Variants in MARCO observed in about 807,000 individuals in gnomAD.
The protein encoded by MARCO is macrophage receptor MARCO.
A neutral mutation model predicts 70.0 loss-of-function variants in MARCO; 72 were observed. The observed-to-expected ratio is 1.03, with a 90% confidence interval of 0.85 to 1.25. MARCO has a LOEUF of 1.25. Among genes scored for constraint, MARCO ranks in the 50% most tolerant of loss-of-function variants. The probability of loss-of-function intolerance (pLI) is 0.00; values close to 1 mark genes in which losing one functional copy is unlikely to be tolerated. For synonymous variants in MARCO, 273 were observed against 243.1 expected (o/e 1.12, Z -1.14); for missense variants, 696 against 659.3 (o/e 1.06, Z -0.61).
Position 118,942,394 on chromosome 2 carries a change from A to T in MARCO, c.94A>T (p.Asn32Tyr). ...AATTGCAATGGAGCCTTTCGAAATCAATGGTAAAGTACGATTCCCCAATAA... is the reference window on the plus strand; with the variant it reads ...AATTGCAATGGAGCCTTTCGAAATCTATGGTAAAGTACGATTCCCCAATAA... ...HQIAMEPFEI[N>Y]VPKPKRRNGV... The change falls in exon 1 of 17, where the codon AAT becomes TAT. Residue 32 changes from asparagine to tyrosine, a missense_variant. Physicochemically the swap from Asn to Tyr is moderately radical, Grantham distance 143 (BLOSUM62 -2). Transcript: ENST00000327097. The T allele has an allele frequency of 6.2e-7, 1 of 1,610,054 alleles. No homozygotes were observed.
At chr2:118,971,268 A>G (rs1260379722) in intron 3 of MARCO, among the ~76,000 whole-genome samples, 3 of 151,656 alleles carry the variant, frequency 2.0e-5, no homozygotes, top group Non-Finnish European at 4.4e-5. Flanking sequence ...AGGGATCTAC[A>G]GGTCTCGGGG....
chr2:118,973,892 T>A (rs17795618), intron 4 of MARCO, among the ~76,000 whole-genome samples: 19,477 of 152,232 alleles, frequency 0.13, 1,385 homozygotes, highest in South Asian at 0.27. Flanking sequence ...AGAAGTCGCA[T>A]AGGCACTGGG....
chr2:118,947,217 C>T (rs1679617333), intron 1 of MARCO, among the ~76,000 whole-genome samples: 2 of 152,284 alleles, frequency 1.3e-5, no homozygotes, highest in Admixed American at 1.3e-4. Context: ...CTTTCGGTGT[C>T]AAGTCTAAGA....
rs554611818 is a variant in MARCO, at chr2:118,982,171, A to C, written c.917A>C (p.Gln306Pro). The C allele has an allele frequency of 3.4e-5, 54 of 1,611,726 alleles. No homozygotes were observed. In the Middle Eastern group the frequency reaches 8.5e-4, roughly 26 times the overall value. Residue 306 changes from glutamine (Q) to proline (P), a missense_variant, in exon 11 of 17, where the codon CAG (glutamine) becomes CCG (proline). Gln to Pro is a moderately conservative substitution (Grantham distance 76). Around this residue, in one of 3 missense-constraint regions of MARCO, gnomAD observed 605 missense variants for 537.6 expected, o/e 1.13. Coordinates refer to ENST00000327097, the MANE Select transcript of MARCO (RefSeq NM_006770.4). ...AKGDQGQPGL[Q>P]GVPGPPGAVG... ...TTCCTTTCAGGACAACCTGGACTGC[A>C]GGGTGTTCCGGGCCCTCCTGGTGCA...
intron 1 of MARCO, among the ~76,000 whole-genome samples, chr2:118,956,737 A>T (rs1056869642): frequency 1.3e-5 from 2 of 152,184 alleles, no homozygotes; most frequent in Non-Finnish European, 2.9e-5. Context: ...AGACCATATG[A>T]TAGGCCATAA....
intron 10 of MARCO, 103 bp from the exon 11 acceptor site, chr2:118,982,053 T>C (rs1474059181): frequency 4.1e-6 from 3 of 739,606 alleles, no homozygotes; most frequent in Non-Finnish European, 6.8e-6. Context: ...TGTAAGGTGT[T>C]AAGAGGTACA....
rs191682066 is a variant in MARCO, at chr2:118,943,084, G to T, written c.97+687G>T. Among the ~76,000 whole-genome samples the T allele has an allele frequency of 8.3e-4, 127 of 152,286 alleles. 1 individual carries two copies. Among genetic ancestry groups the T allele is most frequent in the Admixed American group, 1.2e-3 (19 of 15,300 alleles). ...GAGCTCTGATTTCCTAGTCTAGAACGTTCTCTTGGGATCATCTTCCAAGTT... is the reference window on the plus strand; with the variant it reads ...GAGCTCTGATTTCCTAGTCTAGAACTTTCTCTTGGGATCATCTTCCAAGTT... On this transcript the variant is annotated intron_variant, in intron 1 of 16. Coordinates refer to ENST00000327097, the MANE Select transcript of MARCO (RefSeq NM_006770.4).
intron 1 of MARCO, among the ~76,000 whole-genome samples, chr2:118,951,057 T>G (rs1679713247): frequency 6.6e-6 from 1 of 152,246 alleles, no homozygotes; most frequent in South Asian, 2.1e-4. Context: ...TCTGTAAGTA[T>G]TTTAAGGCTT....
At chr2:118,951,877 A>ATC (rs760021037) in intron 1 of MARCO, among the ~76,000 whole-genome samples, 11 of 139,778 alleles carry the variant, frequency 7.9e-5, no homozygotes, top group African/African-American at 1.3e-4. Context: ...CTGATTCTCC[A>ATC]TCTCTCTCTC....
intron 1 of MARCO, among the ~76,000 whole-genome samples, chr2:118,947,411 T>C (rs1456295286): frequency 1.3e-5 from 2 of 152,180 alleles, no homozygotes; most frequent in Non-Finnish European, 2.9e-5. Flanking sequence ...CATGGGCTCA[T>C]GTGATCTTCC....
chr2:118,993,724 T>C (rs1465358312), intron 16 of MARCO, among the ~76,000 whole-genome samples: 1 of 152,210 alleles, frequency 6.6e-6, no homozygotes, highest in African/African-American at 2.4e-5. Flanking sequence ...GCAAGCAGTC[T>C]TGGCTGTGAT....
chr2:118,986,652 AGAAGGAAGGAAGGAAGGAAG>A (rs199975278), intron 12 of MARCO, among the ~76,000 whole-genome samples: 10,192 of 47,680 alleles, frequency 0.21, 1,426 homozygotes, highest in South Asian at 0.45. Context: ...AAAGAAAGAA[AGAAGGAAGGAAGGAAGGAAG>A]GAAAGAAAGA....
chr2:118,991,912 C>A, intron 14 of MARCO, 37 bp downstream of exon 14: 3 of 1,400,822 alleles, frequency 2.1e-6, no homozygotes, highest in Non-Finnish European at 3.0e-6. Context: ...GTTCTTAGGA[C>A]TGTGCTTTAC....
chr2:118,994,529 C>T lies in MARCO; in HGVS notation c.*9C>T. 1.3e-6 allele frequency: 2 copies of T among 1,570,218 alleles called. No homozygotes were observed. The highest frequency in any genetic ancestry group is 1.7e-6 in the Non-Finnish European group (2 of 1,158,666). On this transcript the variant is annotated 3_prime_UTR_variant, in exon 17 of 17. Coordinates refer to ENST00000327097, the MANE Select transcript of MARCO (RefSeq NM_006770.4). ...TGGAGTGCAGCGTCTGACCCGGAAACCCTTTCACTTCTCTGCTCCCGAGGT... is the reference window on the plus strand; with the variant it reads ...TGGAGTGCAGCGTCTGACCCGGAAATCCTTTCACTTCTCTGCTCCCGAGGT...
chr2:118,947,755 A>G (rs922448872), intron 1 of MARCO, among the ~76,000 whole-genome samples: 8 of 152,200 alleles, frequency 5.3e-5, no homozygotes, highest in Admixed American at 5.2e-4. Flanking sequence ...TGTAAGCGTT[A>G]TTATCAAATA....
chr2:118,979,978 T>G (rs1020618285), intron 8 of MARCO, among the ~76,000 whole-genome samples: 7 of 152,242 alleles, frequency 4.6e-5, no homozygotes, highest in African/African-American at 1.7e-4. Flanking sequence ...TGTGCTTCCT[T>G]GGCTAGAGCC....
chr2:118,973,760 C>T (rs1368975186), intron 4 of MARCO, among the ~76,000 whole-genome samples: 1 of 152,200 alleles, frequency 6.6e-6, no homozygotes, highest in Non-Finnish European at 1.5e-5. Context: ...GGAACTGCTC[C>T]TCAGCCAAGC....
intron 6 of MARCO, among the ~76,000 whole-genome samples, 167 bp downstream of exon 6, chr2:118,974,732 C>G (rs1401721830): frequency 6.6e-6 from 1 of 152,178 alleles, no homozygotes; most frequent in Admixed American, 6.5e-5. Context: ...TGGGAAGCAC[C>G]CTTTCTGGTG....
At chr2:118,948,463 G>C (rs1679646392) in intron 1 of MARCO, among the ~76,000 whole-genome samples, 1 of 152,232 alleles carries the variant, frequency 6.6e-6, no homozygotes, top group Admixed American at 6.5e-5. Flanking sequence ...TAGGGTGTGA[G>C]CTGGAACGTG....
Sources: allele counts gnomAD v4.1 joint callset (sites outside exome capture counted in the v4.1 genomes callset), GRCh38; gene constraint gnomAD v4.1.1; regional missense constraint gnomAD v4.1.1; transcripts MANE v1.5; gene names NCBI Gene and HGNC (gene_info 2026-07-23, HGNC 2026-07-21).